Variants in GUCY1A2 observed in about 807,000 individuals in gnomAD.
GUCY1A2 encodes the protein guanylate cyclase soluble subunit alpha-2.
In GUCY1A2, 27 loss-of-function variants were observed where a neutral mutation model predicts 63.5. The observed-to-expected ratio is 0.43, with a 90% CI of 0.31 to 0.59. The LOEUF (loss-of-function observed/expected upper bound fraction) is 0.59, where lower values mean the gene tolerates loss of function less well. Among genes scored for constraint, GUCY1A2 ranks in the 20% least tolerant of loss-of-function variants. GUCY1A2 has a pLI of 0.11. For missense variants in GUCY1A2, 768 were observed against 913.3 expected, an observed-to-expected ratio of 0.84 and a Z score of 2.05; for synonymous variants, 364 against 343.5, an observed-to-expected ratio of 1.06 and a Z score of -0.66.
chr11:106,905,554 A>T (rs1039776582), intron 4 of GUCY1A2, among the ~76,000 whole-genome samples: 1 of 151,992 alleles, frequency 6.6e-6, no homozygotes, highest in Non-Finnish European at 1.5e-5. Flanking sequence ...GGGCAACACA[A>T]CTCAGTCCAT....
chr11:106,744,316 A>T (rs1402602112), intron 6 of GUCY1A2, among the ~76,000 whole-genome samples: 5 of 139,644 alleles, frequency 3.6e-5, no homozygotes, highest in Admixed American at 2.4e-4. Context: ...GTGCAATCTC[A>T]GCTCACTGCA....
chr11:106,970,159 G>A (rs1246224191), intron 3 of GUCY1A2, among the ~76,000 whole-genome samples: 2 of 152,084 alleles, frequency 1.3e-5, no homozygotes, highest in African/African-American at 2.4e-5. Context: ...AGAGCATAAC[G>A]ATATTAACAA....
At chr11:106,712,261 T>C (rs1171726990) in intron 6 of GUCY1A2, among the ~76,000 whole-genome samples, 3 of 152,178 alleles carry the variant, frequency 2.0e-5, no homozygotes, top group African/African-American at 7.2e-5. Flanking sequence ...AAATTTATAA[T>C]ATTTTCTTTT....
At position 106,945,640 on chromosome 11, in the gene GUCY1A2, T is replaced by C. The variant is rs142119249; in HGVS notation, c.488-5462A>G. Among the ~76,000 whole-genome samples the C allele has an allele frequency of 5.7e-3, 875 of 152,332 alleles. 7 individuals carry two copies. The highest frequency in any genetic ancestry group is 0.02 in the African/African-American group (845 of 41,570). ...GTATTATGGATAATGACCTATTACCTGGACAGTTGTAGTATGAACATTAAT... is the reference window on the plus strand; with the variant it reads ...GTATTATGGATAATGACCTATTACCCGGACAGTTGTAGTATGAACATTAAT... On this transcript the variant is annotated intron_variant, in intron 3 of 7. Transcript: ENST00000526355.
Position 106,810,364 on chromosome 11 carries a change from A to C in GUCY1A2, c.1321T>G (p.Ser441Ala). ...GTGGCATCATGGATAGGGATGTCTG[A>C]GAGATGTAGCCCTCGGCCCATGAGT... is the stretch of plus-strand genomic sequence containing the variant. ...DELMGRGLHL[S>A]DIPIHDATRD... is the part of the protein sequence containing the mutation. Residue 441 changes from serine to alanine, a missense_variant, in exon 5 of 8, where the codon TCA (serine) becomes GCA (alanine). Physicochemically the swap from Ser to Ala is moderately conservative, Grantham distance 99 (BLOSUM62 1). This residue lies in a region of GUCY1A2 where 122 missense variants were observed against 238.1 expected (regional missense o/e 0.51). Transcript: ENST00000526355. 6.2e-7 allele frequency: 1 copy of C among 1,613,868 alleles called. No homozygotes were observed. Among genetic ancestry groups the C allele is most frequent in the Non-Finnish European group, 8.5e-7 (1 of 1,179,886 alleles).
chr11:106,883,135 C>A (rs1591313137), intron 4 of GUCY1A2, among the ~76,000 whole-genome samples: 1 of 152,036 alleles, frequency 6.6e-6, no homozygotes, highest in Non-Finnish European at 1.5e-5. Flanking sequence ...AATAACACTA[C>A]TGAACCACTT....
chr11:106,992,325 C>CTTTTT (rs11297661), intron 1 of GUCY1A2, among the ~76,000 whole-genome samples: 3 of 113,752 alleles, frequency 2.6e-5, no homozygotes, highest in Non-Finnish European at 3.5e-5. Flanking sequence ...AAGAATATGT[C>CTTTTT]TTTTTTTTTT....
In GUCY1A2 at chr11:106,686,198, T is replaced by G. The variant is rs753002142; in HGVS notation, c.*1351A>C. The G allele has an allele frequency of 6.9e-5, 15 of 217,690 alleles. No homozygotes were observed. Among genetic ancestry groups the G allele is most frequent in the Non-Finnish European group, 1.1e-4 (12 of 108,336 alleles). 13.5% of individuals were successfully genotyped at this position (217,690 alleles called of 1,614,324 possible). A position where few individuals can be genotyped will look rare whatever the true frequency, so the allele number is the denominator to read the frequency against. On this transcript the variant is annotated 3_prime_UTR_variant, in exon 8 of 8. Transcript: ENST00000526355. ...CTCTGGACACCTGATGCTCCTAATT[T>G]TAGTGTGAGCCAGTAATATTTTCAT...
intron 6 of GUCY1A2, among the ~76,000 whole-genome samples, chr11:106,731,607 C>T (rs1863507725): frequency 6.6e-6 from 1 of 152,120 alleles, no homozygotes; most frequent in Admixed American, 6.6e-5. Context: ...ACCCTGTTTT[C>T]AGACAATATG....
At chr11:106,877,672 C>A (rs974153853) in intron 4 of GUCY1A2, among the ~76,000 whole-genome samples, 1 of 151,890 alleles carries the variant, frequency 6.6e-6, no homozygotes, top group Non-Finnish European at 1.5e-5. Context: ...CCATAAAAAC[C>A]CTGGAAGATA....
At chr11:106,934,585 C>T (rs1860649635) in intron 4 of GUCY1A2, among the ~76,000 whole-genome samples, 1 of 152,094 alleles carries the variant, frequency 6.6e-6, no homozygotes, top group Admixed American at 6.6e-5. Flanking sequence ...CACAGAAAAC[C>T]AGACATTTCC....
At chr11:106,848,994 C>A (rs1591300929) in intron 4 of GUCY1A2, among the ~76,000 whole-genome samples, 1 of 151,566 alleles carries the variant, frequency 6.6e-6, no homozygotes, top group East Asian at 1.9e-4. Flanking sequence ...CACAGAGCTA[C>A]CATTTTCTGT....
chr11:106,860,948 A>G (rs919536050), intron 4 of GUCY1A2, among the ~76,000 whole-genome samples: 1 of 151,926 alleles, frequency 6.6e-6, no homozygotes, highest in African/African-American at 2.4e-5. Flanking sequence ...GAAAAGCTCT[A>G]CTCTTCCTGT....
chr11:106,833,443 A>C (rs1859077419), intron 4 of GUCY1A2, among the ~76,000 whole-genome samples: 1 of 152,090 alleles, frequency 6.6e-6, no homozygotes, highest in Admixed American at 6.6e-5. Flanking sequence ...GAAGCAGTGA[A>C]TCCATATACC....
rs966924857 is a variant in GUCY1A2 at position 106,680,867 on chromosome 11, C to T, written c.*6682G>A. ...CTTGCAGGGCAATAATAGGAGCTGT[C>T]ATCTTATTTAGATGCTTAGGAATGA... On this transcript the variant is annotated 3_prime_UTR_variant, in exon 8 of 8. Coordinates refer to ENST00000526355, the MANE Select transcript of GUCY1A2 (RefSeq NM_000855.3). 2 of 206,112 alleles carry T rather than the reference C, an allele frequency of 9.7e-6. No homozygotes were observed. The highest frequency in any genetic ancestry group is 2.0e-5 in the Non-Finnish European group (2 of 100,898). 12.8% of individuals were successfully genotyped at this position (206,112 alleles called of 1,614,324 possible).
intron 3 of GUCY1A2, among the ~76,000 whole-genome samples, chr11:106,951,781 T>C (rs1020675537): frequency 2.6e-5 from 4 of 152,222 alleles, no homozygotes; most frequent in African/African-American, 9.7e-5. Context: ...TCGCAATTGC[T>C]TTTGGTGTTT....
intron 1 of GUCY1A2, among the ~76,000 whole-genome samples, chr11:106,992,971 T>C (rs1368799626): frequency 6.6e-6 from 1 of 152,180 alleles, no homozygotes; most frequent in Non-Finnish European, 1.5e-5. Flanking sequence ...ATATTCCCTT[T>C]CTTTCCCTCA....
chr11:106,787,534 G>A (rs1864579452), intron 5 of GUCY1A2, among the ~76,000 whole-genome samples: 1 of 131,912 alleles, frequency 7.6e-6, no homozygotes, highest in African/African-American at 2.9e-5. Flanking sequence ...AAGGGAGAGA[G>A]AAAGAGAGAA....
rs145199197 is a variant in GUCY1A2 at position 106,986,673 on chromosome 11, C to T, written c.304-542G>A. ...TAAACTTAAATGATATTTTTTTCCC[C>T]GTTCTTTGAGGAGACTAACAAAAAG... On this transcript the variant is annotated intron_variant, in intron 1 of 7. Coordinates refer to ENST00000526355, the MANE Select transcript of GUCY1A2 (RefSeq NM_000855.3). Among the ~76,000 whole-genome samples the T allele has an allele frequency of 1.7e-3, 259 of 151,968 alleles. 1 individual carries two copies. The highest frequency in any genetic ancestry group is 5.9e-3 in the African/African-American group (244 of 41,442).
Sources: gnomAD v4.1 joint callset for allele counts (sites outside exome capture counted in the v4.1 genomes callset) on GRCh38, gnomAD v4.1.1 for gene constraint, gnomAD v4.1.1 regional missense constraint, MANE v1.5 for transcripts, NCBI Gene and HGNC (gene_info 2026-07-23, HGNC 2026-07-21) for gene names.